The following ATP6V1E1 variants were observed in gnomAD, a reference collection of about 807,000 sequenced individuals.
ATP6V1E1 encodes the protein V-type proton ATPase subunit E 1.
ATP6V1E1 carries 21 observed loss-of-function variants against 35.2 expected under a neutral mutation model. The observed-to-expected ratio is 0.60, with a 90% confidence interval of 0.42 to 0.86. ATP6V1E1 has a LOEUF of 0.86. Ranked by LOEUF, ATP6V1E1 falls within the 40% of genes least tolerant of loss-of-function variation. The pLI, the probability that ATP6V1E1 is intolerant of heterozygous loss-of-function variation, is 0.00. For missense variants in ATP6V1E1, 183 were observed against 272.6 expected, an observed-to-expected ratio of 0.67 and a Z score of 2.32; for synonymous variants, 83 against 87.8, an observed-to-expected ratio of 0.95 and a Z score of 0.30.
intron 1 of ATP6V1E1, among the ~76,000 whole-genome samples, chr22:17,622,723 TGG>T (rs2146317621): frequency 6.6e-6 from 1 of 152,178 alleles, no homozygotes; most frequent in Non-Finnish European, 1.5e-5. Flanking sequence ...CCCAAGACCC[TGG>T]GAGGCCAAGG....
At chr22:17,613,127 A>G (rs1246919978) in intron 3 of ATP6V1E1, 84 bp downstream of exon 3, 2 of 1,210,706 alleles carry the variant, frequency 1.7e-6, no homozygotes, top group East Asian at 2.4e-5. Flanking sequence ...TTAAGACCTG[A>G]ATTTATATAT....
In ATP6V1E1 at chr22:17,596,523, C is replaced by A. The variant is rs190315699; in HGVS notation, c.530+1671G>T. On this transcript the variant is annotated intron_variant, in intron 7 of 8. Transcript: ENST00000253413. Reference sequence around the variant, plus strand: ...ATGAGTGGAAGCAGCCTGAGGCCCTCACCAGATGCAGCTGTCCAATCTTGA... The same window carrying A: ...ATGAGTGGAAGCAGCCTGAGGCCCTAACCAGATGCAGCTGTCCAATCTTGA... 4.5e-4 allele frequency among the ~76,000 whole-genome samples: 68 copies of A among 152,138 alleles called. 1 individual carries two copies. The South Asian group carries it at 8.5e-3, about 19-fold the overall frequency.
chr22:17,611,687 A>G (rs1037194442), intron 4 of ATP6V1E1, among the ~76,000 whole-genome samples: 4 of 152,202 alleles, frequency 2.6e-5, no homozygotes, highest in Non-Finnish European at 4.4e-5. Context: ...CTCCTAGTCT[A>G]TCCACACCTG....
chr22:17,595,746 A>C (rs1429594672), intron 7 of ATP6V1E1, among the ~76,000 whole-genome samples: 1 of 149,704 alleles, frequency 6.7e-6, no homozygotes, highest in African/African-American at 2.5e-5. Context: ...GCTTGAACCC[A>C]GGAGGCAGAG....
At chr22:17,619,237 A>G in intron 2 of ATP6V1E1, 1 of 533,482 alleles carries the variant, frequency 1.9e-6, no homozygotes, top group South Asian at 2.0e-5. Context: ...GTTTGCAGTG[A>G]GCCGAGATCG....
intron 1 of ATP6V1E1, among the ~76,000 whole-genome samples, chr22:17,619,886 T>C (rs1484799748): frequency 1.3e-5 from 2 of 152,132 alleles, no homozygotes; most frequent in Non-Finnish European, 2.9e-5. Flanking sequence ...AGGACCTTCA[T>C]CCTCCTCTCA....
intron 1 of ATP6V1E1, 57 bp downstream of exon 1, chr22:17,628,546 C>T: frequency 6.2e-7 from 1 of 1,612,372 alleles, no homozygotes; most frequent in East Asian, 2.2e-5. Flanking sequence ...AGGCGGGCTC[C>T]AGCCCACTCC....
chr22:17,596,015 C>T (rs1249413084), intron 7 of ATP6V1E1, among the ~76,000 whole-genome samples: 3 of 151,878 alleles, frequency 2.0e-5, no homozygotes, highest in Non-Finnish European at 4.4e-5. Flanking sequence ...GCCTGTAGTC[C>T]CAGCTAATCG....
intron 2 of ATP6V1E1, among the ~76,000 whole-genome samples, chr22:17,615,896 G>A (rs2057841673): frequency 6.6e-6 from 1 of 152,002 alleles, no homozygotes; most frequent in Admixed American, 6.6e-5. Context: ...GCTGGGCGTG[G>A]TGGCAGGTGC....
At chr22:17,614,373 A>G (rs996734978) in intron 2 of ATP6V1E1, among the ~76,000 whole-genome samples, 2 of 149,766 alleles carry the variant, frequency 1.3e-5, no homozygotes, top group African/African-American at 4.9e-5. Flanking sequence ...TAAAAAATAA[A>G]GGCTAGGCAT....
intron 2 of ATP6V1E1, 36 bp from the exon 3 acceptor site, chr22:17,613,356 C>T: frequency 6.4e-7 from 1 of 1,572,660 alleles, no homozygotes; most frequent in African/African-American, 1.3e-5. Flanking sequence ...TTCATTACAT[C>T]AAGTTTTGAT....
chr22:17,600,136 TATAAA>T (rs1307762755), intron 5 of ATP6V1E1, 41 bp from the exon 6 acceptor site: 1 of 1,564,448 alleles, frequency 6.4e-7, no homozygotes, highest in African/African-American at 1.4e-5. Flanking sequence ...AAATGCAAAC[TATAAA>T]ATAAAGAAAC....
intron 4 of ATP6V1E1, among the ~76,000 whole-genome samples, chr22:17,610,254 CTA>C (rs754020331): frequency 1.4e-4 from 18 of 133,030 alleles, no homozygotes; most frequent in Non-Finnish European, 2.1e-4. Flanking sequence ...GAAAAAATAA[CTA>C]ATAAAATATA....
At chr22:17,622,663 G>T (rs116941062) in intron 1 of ATP6V1E1, among the ~76,000 whole-genome samples, 93 of 152,150 alleles carry the variant, frequency 6.1e-4, no homozygotes, top group Middle Eastern at 3.4e-3. Context: ...ACAAAAAAAA[G>T]AAAGAAAAGA....
intron 4 of ATP6V1E1, 105 bp downstream of exon 4, chr22:17,612,705 CTA>C: frequency 1.0e-6 from 1 of 957,424 alleles, no homozygotes; most frequent in Non-Finnish European, 1.5e-6. Flanking sequence ...TGTTTTCTCT[CTA>C]AAGATTATTC....
chr22:17,620,443 G>A (rs776645226), intron 1 of ATP6V1E1, among the ~76,000 whole-genome samples: 22 of 151,856 alleles, frequency 1.4e-4, no homozygotes, highest in Admixed American at 5.9e-4. Flanking sequence ...CACCGCGCAC[G>A]GCGAGCAACC....
At chr22:17,615,695 C>T (rs185341318) in intron 2 of ATP6V1E1, among the ~76,000 whole-genome samples, 558 of 151,876 alleles carry the variant, frequency 3.7e-3, no homozygotes, top group Non-Finnish European at 6.0e-3. Context: ...GTCAAGAGTT[C>T]GAGACCAGTC....
intron 2 of ATP6V1E1, among the ~76,000 whole-genome samples, chr22:17,613,898 C>T (rs1051059778): frequency 9.9e-5 from 15 of 152,160 alleles, no homozygotes; most frequent in Admixed American, 2.6e-4. Context: ...ACCCGGGAGG[C>T]AGAGCTTGCA....
chr22:17,605,498 C>G (rs2057782115), intron 4 of ATP6V1E1, among the ~76,000 whole-genome samples: 1 of 151,948 alleles, frequency 6.6e-6, no homozygotes, highest in Admixed American at 6.6e-5. Context: ...CCATTGCACT[C>G]CAGGCTGGGC....
Sources: gnomAD v4.1 joint callset for allele counts (sites outside exome capture counted in the v4.1 genomes callset) on GRCh38, gnomAD v4.1.1 for gene constraint, MANE v1.5 for transcripts, NCBI Gene and HGNC (gene_info 2026-07-23, HGNC 2026-07-21) for gene names.